Variants in SYNRG observed in about 807,000 individuals in gnomAD.
SYNRG encodes AP1 gamma subunit binding protein 1.
SYNRG carries 37 observed loss-of-function variants against 130.9 expected under a neutral mutation model. The observed-to-expected ratio is 0.28, with a 90% CI of 0.22 to 0.37. The LOEUF is 0.37. SYNRG is among the 10% of genes least tolerant of loss of function. The pLI, the probability that SYNRG is intolerant of heterozygous loss-of-function variation, is 1.00. For missense variants in SYNRG, 1,338 were observed against 1,588.9 expected (o/e 0.84, Z 2.68); for synonymous variants, 539 against 568.1 (o/e 0.95, Z 0.73).
intron 1 of SYNRG, among the ~76,000 whole-genome samples, chr17:37,608,315 C>T (rs1410789969): frequency 1.3e-5 from 2 of 152,118 alleles, no homozygotes; most frequent in Non-Finnish European, 2.9e-5. Context: ...AAACCTAACA[C>T]TTCGTTTTCC....
intron 8 of SYNRG, among the ~76,000 whole-genome samples, chr17:37,573,709 G>A (rs1278682533): frequency 6.6e-6 from 1 of 152,010 alleles, no homozygotes; most frequent in Non-Finnish European, 1.5e-5. Context: ...GCATTTGAAT[G>A]AAAACTATAA....
intron 19 of SYNRG, among the ~76,000 whole-genome samples, chr17:37,528,928 G>A (rs980512434): frequency 2.0e-5 from 3 of 152,212 alleles, no homozygotes; most frequent in Admixed American, 6.5e-5. Flanking sequence ...GGCTAACCTA[G>A]TGAAAAAAGC....
rs1022998800 is a variant in SYNRG at position 37,606,805 on chromosome 17, G to C, written c.77+2474C>G. On this transcript the variant is annotated intron_variant, in intron 1 of 21. Coordinates refer to ENST00000612223, the MANE Select transcript of SYNRG (RefSeq NM_007247.6). ...TTATTGTGTTTTGCTTAGCCTCTTAGAATATAGAGAAGTATCTAAACAATA... is the reference window on the plus strand; with the variant it reads ...TTATTGTGTTTTGCTTAGCCTCTTACAATATAGAGAAGTATCTAAACAATA... Among the ~76,000 whole-genome samples, 12 of 152,198 alleles carry C rather than the reference G, an allele frequency of 7.9e-5. 3 individuals carry two copies. Among genetic ancestry groups the C allele is most frequent in the Admixed American group, 7.9e-4 (12 of 15,286 alleles).
At chr17:37,527,210 C>T (rs899861604) in intron 19 of SYNRG, among the ~76,000 whole-genome samples, 1 of 152,198 alleles carries the variant, frequency 6.6e-6, no homozygotes, top group Non-Finnish European at 1.5e-5. Context: ...GAATAACAAC[C>T]TTTTCTCTTC....
chr17:37,577,299 T>C (rs2060915137), intron 7 of SYNRG, 81 bp downstream of exon 7: 4 of 1,287,560 alleles, frequency 3.1e-6, no homozygotes, highest in South Asian at 1.3e-5. Flanking sequence ...CAGCATTCAT[T>C]TGAAGATTAA....
At chr17:37,541,157 A>G in intron 15 of SYNRG, 1 of 985,446 alleles carries the variant, frequency 1.0e-6, no homozygotes, top group Non-Finnish European at 1.2e-6. Flanking sequence ...CTTTCTAAAT[A>G]TCAGTATGTA....
In SYNRG at chr17:37,517,459, GA is replaced by G. The variant is rs910930542; in HGVS notation, c.*1480del. 6.6e-6 allele frequency: 1 copy of G among 151,892 alleles called. No homozygotes were observed. Among genetic ancestry groups the G allele is most frequent in the African/African-American group, 2.4e-5 (1 of 41,360 alleles). The allele number at this position is 151,892 out of a possible 1,614,324, so 9.4% of individuals were successfully genotyped here. On this transcript the variant is annotated 3_prime_UTR_variant, in exon 22 of 22. Coordinates refer to ENST00000612223, the MANE Select transcript of SYNRG (RefSeq NM_007247.6). ...AGACGGTATCATCGGGAGCGAGTGA[GA>G]AAAGCCTTTCTCTCCTCGGTGCCTC...
chr17:37,519,786 G>T (rs966916925), intron 21 of SYNRG, among the ~76,000 whole-genome samples: 1 of 152,148 alleles, frequency 6.6e-6, no homozygotes, highest in Non-Finnish European at 1.5e-5. Flanking sequence ...TTTCTAATAT[G>T]CACTGCAAAT....
At chr17:37,590,845 A>G (rs926845325) in intron 3 of SYNRG, among the ~76,000 whole-genome samples, 1 of 152,030 alleles carries the variant, frequency 6.6e-6, no homozygotes, top group African/African-American at 2.4e-5. Context: ...GCTTGAACCC[A>G]GGAGGCGGAG....
intron 2 of SYNRG, among the ~76,000 whole-genome samples, chr17:37,599,266 C>G (rs895411825): frequency 6.6e-6 from 1 of 152,214 alleles, no homozygotes; most frequent in Non-Finnish European, 1.5e-5. Flanking sequence ...GAAGGCAGAT[C>G]TATTCCTTCT....
chr17:37,515,796 A>C lies in SYNRG; in HGVS notation c.*3144T>G, dbSNP rs2054384258. The C allele has an allele frequency of 6.6e-6, 1 of 152,254 alleles. No homozygotes were observed. Among genetic ancestry groups the C allele is most frequent in the Admixed American group, 6.5e-5 (1 of 15,284 alleles). 9.4% of individuals were successfully genotyped at this position (152,254 alleles called of 1,614,324 possible). The stretch of plus-strand genomic sequence containing the variant: ...TTGTAGTGGTCCCCAGTACAGGGCC[A>C]GCATTTCCTATTTCTGTAACATACA... On this transcript the variant is annotated 3_prime_UTR_variant, in exon 22 of 22. Coordinates refer to ENST00000612223, the MANE Select transcript of SYNRG (RefSeq NM_007247.6).
chr17:37,604,769 G>A (rs1360375359), intron 1 of SYNRG, among the ~76,000 whole-genome samples: 3 of 152,100 alleles, frequency 2.0e-5, no homozygotes, highest in Non-Finnish European at 2.9e-5. Context: ...AGAGATGGGC[G>A]ACTCTTCCTT....
rs566483270 is a variant in SYNRG at position 37,572,101 on chromosome 17, C to T, written c.902-114G>A. The T allele has an allele frequency of 3.0e-5, 26 of 871,624 alleles. No homozygotes were observed. The East Asian group carries it at 5.1e-4, about 17-fold the overall frequency. The allele number at this position is 871,624 out of a possible 1,614,324, so 54.0% of individuals were successfully genotyped here. Reference sequence around the variant, plus strand: ...TTCAACAAAACTGCTTTAATAGAACCGAAGCCATGTCAGGGTTTAAATTGC... The same window carrying T: ...TTCAACAAAACTGCTTTAATAGAACTGAAGCCATGTCAGGGTTTAAATTGC... On this transcript the variant is annotated intron_variant, in intron 8 of 21. Coordinates refer to ENST00000612223, the MANE Select transcript of SYNRG (RefSeq NM_007247.6).
chr17:37,518,933 G>C lies in SYNRG; in HGVS notation c.*7C>G. On this transcript the variant is annotated 3_prime_UTR_variant, in exon 22 of 22. Coordinates refer to ENST00000612223, the MANE Select transcript of SYNRG (RefSeq NM_007247.6). The stretch of plus-strand genomic sequence containing the variant: ...AAAAAAAAGTCAATGCTTCACAGAG[G>C]AGTTGTTCAGAGCAGGTCAGGCAGG... 1 of 1,611,162 alleles carries C rather than the reference G, an allele frequency of 6.2e-7. No individual in the cohort carries two copies. The highest frequency in any genetic ancestry group is 8.5e-7 in the Non-Finnish European group (1 of 1,179,114).
chr17:37,533,924 T>TTC (rs1356401318), intron 19 of SYNRG, among the ~76,000 whole-genome samples: 1 of 137,240 alleles, frequency 7.3e-6, no homozygotes, highest in Non-Finnish European at 1.6e-5. Context: ...TCATTTTCTT[T>TTC]TCTTTTTTTT....
At chr17:37,536,215 G>T in intron 18 of SYNRG, 88 bp from the exon 19 acceptor site, 1 of 1,433,004 alleles carries the variant, frequency 7.0e-7, no homozygotes. Context: ...GCTGATATCT[G>T]TGAGAAACAA....
At chr17:37,539,381 T>C in intron 16 of SYNRG, 136 bp from the exon 17 acceptor site, 1 of 892,434 alleles carries the variant, frequency 1.1e-6, no homozygotes, top group Non-Finnish European at 1.7e-6. Flanking sequence ...TATGTTTTTT[T>C]TGTTTTTGTT....
chr17:37,602,958 A>C (rs1465774568), intron 1 of SYNRG, among the ~76,000 whole-genome samples: 1 of 152,210 alleles, frequency 6.6e-6, no homozygotes, highest in Non-Finnish European at 1.5e-5. Context: ...CAGGAGGCGG[A>C]GGTTGCAGTG....
chr17:37,543,375 T>A (rs1260561147), intron 14 of SYNRG, among the ~76,000 whole-genome samples: 1 of 152,188 alleles, frequency 6.6e-6, no homozygotes, highest in Non-Finnish European at 1.5e-5. Flanking sequence ...ACGACTGATT[T>A]TACAAAGCAT....
Sources: gnomAD v4.1 joint callset for allele counts (sites outside exome capture counted in the v4.1 genomes callset) on GRCh38, gnomAD v4.1.1 for gene constraint, MANE v1.5 for transcripts, NCBI Gene and HGNC (gene_info 2026-07-23, HGNC 2026-07-21) for gene names.